HMGB2: variants seen among roughly 807,000 people sequenced by gnomAD.
The protein encoded by HMGB2 is high mobility group protein B2.
Under a neutral mutation model 23.0 loss-of-function variants are expected in HMGB2, and 2 were observed. The ratio of observed to expected loss-of-function variants is 0.09; its 90% confidence interval spans 0.04 to 0.27. The LOEUF (loss-of-function observed/expected upper bound fraction) is 0.27. HMGB2 is among the 10% of genes least tolerant of loss of function. The probability of loss-of-function intolerance (pLI) is 1.00; values close to 1 mark genes in which losing one functional copy is unlikely to be tolerated. For synonymous variants in HMGB2, 99 were observed against 87.5 expected (o/e 1.13, Z -0.73); for missense variants, 178 against 256.5 (o/e 0.69, Z 2.09).
Position 173,333,693 on chromosome 4 carries a change from G to T in HMGB2, c.-20-24C>A, listed in dbSNP as rs781521003. 1 of 1,547,482 alleles carries T rather than the reference G, an allele frequency of 6.5e-7. No homozygotes were observed. The highest frequency in any genetic ancestry group is 1.9e-5 in the Admixed American group (1 of 52,748). On this transcript the variant is annotated intron_variant, in intron 1 of 4. Transcript: ENST00000296503. The surrounding 1 kb of genome is among the most constrained non-coding windows in gnomAD (Gnocchi z 4.6). The stretch of plus-strand genomic sequence containing the variant: ...ACCTGACGGGGCCGAGGGGGGAGAG[G>T]GGAAGCCGGAGGGTCGGCGCGGAGC...
At position 173,331,761 on chromosome 4, in the gene HMGB2, A is replaced by C; in HGVS notation, c.*319T>G. ...AAAAACGAAATGCAACATCCTAAAA[A>C]ACCCAAAATTTACTATTGATACTAA... On this transcript the variant is annotated 3_prime_UTR_variant, in exon 5 of 5. Coordinates refer to ENST00000296503, the MANE Select transcript of HMGB2 (RefSeq NM_002129.4). 1 of 220,866 alleles carries C rather than the reference A, an allele frequency of 4.5e-6. No individual in the cohort carries two copies. The highest frequency in any genetic ancestry group is 9.8e-5 in the East Asian group (1 of 10,166). The allele number at this position is 220,866 out of a possible 1,614,324, so 13.7% of individuals were successfully genotyped here.
chr4:173,333,406 G>A lies in HMGB2; in HGVS notation c.150+94C>T. 6.7e-7 allele frequency: 1 copy of A among 1,485,410 alleles called. No individual in the cohort carries two copies. Among genetic ancestry groups the A allele is most frequent in the South Asian group, 1.3e-5 (1 of 76,366 alleles). 92.0% of individuals were successfully genotyped at this position (1,485,410 alleles called of 1,614,324 possible). A position where few individuals can be genotyped will look rare whatever the true frequency, so the allele number is the denominator to read the frequency against. On this transcript the variant is annotated intron_variant, in intron 2 of 4. Coordinates refer to ENST00000296503, the MANE Select transcript of HMGB2 (RefSeq NM_002129.4). The surrounding 1 kb of genome is among the most constrained non-coding windows in gnomAD (Gnocchi z 4.6). ...TCAGGTGAGTCACTGGGGTGGCAAA[G>A]TTGAAGCTCATGAGTTGCCTACTAC...
chr4:173,332,101 TTCC>T lies in HMGB2; in HGVS notation c.606_608del (p.Glu204del), dbSNP rs773011138. 182 of 1,611,910 alleles carry T rather than the reference TTCC, an allele frequency of 1.1e-4. 1 individual carries two copies. Among genetic ancestry groups the T allele is most frequent in the South Asian group, 2.2e-4 (20 of 91,044 alleles). ...CCATTTATTCTTCATCTTCATCCTCTTCCTCCTCATCTTCATCTTCTTCTTCCT... is the reference window on the plus strand; with the variant it reads ...CCATTTATTCTTCATCTTCATCCTCTTCCTCATCTTCATCTTCTTCTTCCT... On this transcript the variant is annotated inframe_deletion, in exon 5 of 5. Coordinates refer to ENST00000296503, the MANE Select transcript of HMGB2 (RefSeq NM_002129.4).
Position 173,331,994 on chromosome 4 carries a change from T to C in HMGB2, c.*86A>G. 1 of 1,581,892 alleles carries C rather than the reference T, an allele frequency of 6.3e-7. No homozygotes were observed. The highest frequency in any genetic ancestry group is 1.2e-5 in the South Asian group (1 of 86,578). On this transcript the variant is annotated 3_prime_UTR_variant, in exon 5 of 5. Transcript: ENST00000296503. ...ACAGTTTTTATACTGAAGCTAGTAT[T>C]GAGCTGCACTTGAATTCACATTCTT... is the stretch of plus-strand genomic sequence containing the variant.
intron 4 of HMGB2, 46 bp from the exon 5 acceptor site, chr4:173,332,284 C>A: frequency 4.3e-6 from 6 of 1,387,552 alleles, no homozygotes; most frequent in Non-Finnish European, 5.9e-6. Flanking sequence ...CATTACTCAA[C>A]TGTGAAAAAC....
rs73872570 is a variant in HMGB2 at position 173,332,272 on chromosome 4, A to G, written c.472-34T>C. On this transcript the variant is annotated intron_variant, in intron 4 of 4. Coordinates refer to ENST00000296503, the MANE Select transcript of HMGB2 (RefSeq NM_002129.4). ...TTGTCAAAAAAATAAAGCATCCGGT[A>G]TCATTACTCAACTGTGAAAAACCAC... is the stretch of plus-strand genomic sequence containing the variant. 3.1e-3 allele frequency: 4,663 copies of G among 1,496,606 alleles called. 117 individuals are homozygous for G. In the African/African-American group the frequency reaches 0.057, roughly 18 times the overall value. 92.7% of individuals were successfully genotyped at this position (1,496,606 alleles called of 1,614,324 possible). A position where few individuals can be genotyped will look rare whatever the true frequency, so the allele number is the denominator to read the frequency against.
At position 173,333,461 on chromosome 4, in the gene HMGB2, C is replaced by T; in HGVS notation, c.150+39G>A. On this transcript the variant is annotated intron_variant, in intron 2 of 4. Coordinates refer to ENST00000296503, the MANE Select transcript of HMGB2 (RefSeq NM_002129.4). This position sits in a 1 kb window ranked among gnomAD's most constrained non-coding sequence, Gnocchi z 4.6. ...CTAAGGCCCTCCTAGCCGAAAACCACACCTGCACCCCCTGAGCTCCGTCCC... is the reference window on the plus strand; with the variant it reads ...CTAAGGCCCTCCTAGCCGAAAACCATACCTGCACCCCCTGAGCTCCGTCCC... 1.9e-6 allele frequency: 3 copies of T among 1,594,816 alleles called. No individual in the cohort carries two copies. Among genetic ancestry groups the T allele is most frequent in the South Asian group, 1.1e-5 (1 of 87,408 alleles).
Position 173,333,342 on chromosome 4 carries a change from T to C in HMGB2, c.151-128A>G. The C allele has an allele frequency of 2.2e-6, 3 of 1,357,192 alleles. No homozygotes were observed. Among genetic ancestry groups the C allele is most frequent in the Non-Finnish European group, 1.0e-6 (1 of 994,500 alleles). 84.1% of individuals were successfully genotyped at this position (1,357,192 alleles called of 1,614,324 possible). The stretch of plus-strand genomic sequence containing the variant: ...TTTTGCTTTCGAAGTCTTATATAAG[T>C]AAAAACCTAAAATCGTCTGCCTGGA... On this transcript the variant is annotated intron_variant, in intron 2 of 4. Coordinates refer to ENST00000296503, the MANE Select transcript of HMGB2 (RefSeq NM_002129.4). The surrounding 1 kb of genome is among the most constrained non-coding windows in gnomAD (Gnocchi z 4.6).
In HMGB2 at chr4:173,332,118, C is replaced by G. The variant is rs1240743622; in HGVS notation, c.592G>C (p.Asp198His). The change falls in exon 5 of 5, where the codon GAT becomes CAT. Residue 198 changes from aspartate (D) to histidine (H), a missense_variant. By Grantham distance (81) the Asp-to-His change is moderately conservative. Around this residue, in one of 3 missense-constraint regions of HMGB2, gnomAD observed 45 missense variants for 38.8 expected, o/e 1.16. Coordinates refer to ENST00000296503, the MANE Select transcript of HMGB2 (RefSeq NM_002129.4). ...TCATCCTCTTCCTCCTCATCTTCAT[C>G]TTCTTCTTCCTCCTCCTCCTCCTCA... ...EDEEEEEEEEDEDEEEEDEDE... is the reference protein window; with the variant it reads ...EDEEEEEEEEHEDEEEEDEDE... The G allele has an allele frequency of 1.9e-6, 3 of 1,610,586 alleles. No individual in the cohort carries two copies. The South Asian group carries it at 3.3e-5, about 18-fold the overall frequency.
chr4:173,332,304 G>C, intron 4 of HMGB2, 66 bp from the exon 5 acceptor site: 1 of 1,227,256 alleles, frequency 8.1e-7, no homozygotes, highest in African/African-American at 1.5e-5. Flanking sequence ...CCACTTAGTT[G>C]TAAACAATCT....
chr4:173,333,045 C>T lies in HMGB2; in HGVS notation c.296+24G>A, dbSNP rs994260907. The T allele has an allele frequency of 6.2e-7, 1 of 1,612,342 alleles. No homozygotes were observed. The highest frequency in any genetic ancestry group is 1.3e-5 in the African/African-American group (1 of 74,772). ...TAAACTGAAGGAAAAATCCAAGGAG[C>T]AATTTGGGTTATTTTAAACTTACGG... On this transcript the variant is annotated intron_variant, in intron 3 of 4. Coordinates refer to ENST00000296503, the MANE Select transcript of HMGB2 (RefSeq NM_002129.4). This position sits in a 1 kb window ranked among gnomAD's most constrained non-coding sequence, Gnocchi z 4.6.
At chr4:173,332,722 G>T in intron 4 of HMGB2, 99 bp downstream of exon 4, 1 of 1,069,924 alleles carries the variant, frequency 9.3e-7, no homozygotes, top group South Asian at 1.5e-5. Flanking sequence ...AAACATAGCT[G>T]ACAACCATTA....
chr4:173,332,563 AAT>A, intron 4 of HMGB2: 4 of 486,036 alleles, frequency 8.2e-6, no homozygotes, highest in Admixed American at 3.7e-5. Flanking sequence ...TAAAAAAAAA[AAT>A]AACAGACTAT....
chr4:173,332,795 C>T, intron 4 of HMGB2, 26 bp downstream of exon 4: 2 of 1,594,834 alleles, frequency 1.3e-6, no homozygotes, highest in East Asian at 4.5e-5. Flanking sequence ...GTCTTATCCA[C>T]GGCTTTAAAA....
chr4:173,332,095 ATCCTCTTCC>A lies in HMGB2; in HGVS notation c.606_614del (p.Glu202_Glu204del), dbSNP rs1352755921. 37 of 1,612,626 alleles carry A rather than the reference ATCCTCTTCC, an allele frequency of 2.3e-5. No individual in the cohort carries two copies. Among genetic ancestry groups the A allele is most frequent in the Admixed American group, 5.0e-5 (3 of 60,012 alleles). ...GGATAGCCATTTATTCTTCATCTTC[ATCCTCTTCC>A]TCCTCATCTTCATCTTCTTCTTCCT... On this transcript the variant is annotated inframe_deletion, in exon 5 of 5. Transcript: ENST00000296503.
chr4:173,332,332 A>G, intron 4 of HMGB2, 94 bp from the exon 5 acceptor site: 1 of 924,254 alleles, frequency 1.1e-6, no homozygotes, highest in Non-Finnish European at 1.6e-6. Flanking sequence ...TTGACCAATA[A>G]CCCTAATAAC....
chr4:173,333,755 T>TTCCCGCCCAAATCCGC lies in HMGB2; in HGVS notation c.-20-102_-20-87dup. 9.0e-7 allele frequency: 1 copy of TTCCCGCCCAAATCCGC among 1,116,256 alleles called. No individual in the cohort carries two copies. The highest frequency in any genetic ancestry group is 1.2e-6 in the Non-Finnish European group (1 of 810,476). The allele number at this position is 1,116,256 out of a possible 1,614,324, so 69.1% of individuals were successfully genotyped here. A position where few individuals can be genotyped will look rare whatever the true frequency, so the allele number is the denominator to read the frequency against. On this transcript the variant is annotated intron_variant, in intron 1 of 4. Coordinates refer to ENST00000296503, the MANE Select transcript of HMGB2 (RefSeq NM_002129.4). This position sits in a 1 kb window ranked among gnomAD's most constrained non-coding sequence, Gnocchi z 4.6. ...AGGGCGGGCGCTGGCGGGGCTCCGCTTCCCGCCCAAATCCGCTCCCGCCCT... is the reference window on the plus strand; with the variant it reads ...AGGGCGGGCGCTGGCGGGGCTCCGCTTCCCGCCCAAATCCGCTCCCGCCCAAATCCGCTCCCGCCCT...
Position 173,333,413 on chromosome 4 carries a change from C to T in HMGB2, c.150+87G>A. ...AGTCACTGGGGTGGCAAAGTTGAAG[C>T]TCATGAGTTGCCTACTACCTGCCTA... On this transcript the variant is annotated intron_variant, in intron 2 of 4. Coordinates refer to ENST00000296503, the MANE Select transcript of HMGB2 (RefSeq NM_002129.4). The surrounding 1 kb of genome is among the most constrained non-coding windows in gnomAD (Gnocchi z 4.6). The T allele has an allele frequency of 3.3e-6, 5 of 1,501,844 alleles. No homozygotes were observed. The highest frequency in any genetic ancestry group is 4.5e-6 in the Non-Finnish European group (5 of 1,110,792). The allele number at this position is 1,501,844 out of a possible 1,614,324, so 93.0% of individuals were successfully genotyped here. A position where few individuals can be genotyped will look rare whatever the true frequency, so the allele number is the denominator to read the frequency against.
chr4:173,331,779 G>A lies in HMGB2; in HGVS notation c.*301C>T, dbSNP rs1738103110. ...CCTAAAAAACCCAAAATTTACTATT[G>A]ATACTAATTCCTACAAGTTTGCTGT... is the stretch of plus-strand genomic sequence containing the variant. On this transcript the variant is annotated 3_prime_UTR_variant, in exon 5 of 5. Transcript: ENST00000296503. 3.9e-6 allele frequency: 1 copy of A among 254,660 alleles called. No homozygotes were observed. Among genetic ancestry groups the A allele is most frequent in the East Asian group, 7.6e-5 (1 of 13,132 alleles). 15.8% of individuals were successfully genotyped at this position (254,660 alleles called of 1,614,324 possible). A position where few individuals can be genotyped will look rare whatever the true frequency, so the allele number is the denominator to read the frequency against.
Sources: allele counts gnomAD v4.1 joint callset, GRCh38; gene constraint gnomAD v4.1.1; regional missense constraint gnomAD v4.1.1; non-coding constraint Gnocchi (gnomAD v3.1); transcripts MANE v1.5; gene names NCBI Gene and HGNC (gene_info 2026-07-23, HGNC 2026-07-21).